Variants in TEC observed in about 807,000 individuals in gnomAD.
The protein encoded by TEC is tyrosine-protein kinase Tec.
TEC carries 72 observed loss-of-function variants against 93.0 expected under a neutral mutation model. That is an observed-to-expected ratio of 0.77 (90% CI 0.64 to 0.94). TEC has a LOEUF of 0.94. Among genes scored for constraint, TEC ranks in the 40% least tolerant of loss-of-function variants. The pLI, the probability that TEC is intolerant of heterozygous loss-of-function variation, is 0.00. For missense variants in TEC, 630 were observed against 757.9 expected, an observed-to-expected ratio of 0.83 and a Z score of 1.98; for synonymous variants, 249 against 247.7, an observed-to-expected ratio of 1.01 and a Z score of -0.05.
intron 2 of TEC, among the ~76,000 whole-genome samples, chr4:48,207,270 G>A (rs1722745988): frequency 6.6e-6 from 1 of 152,104 alleles, no homozygotes; most frequent in Non-Finnish European, 1.5e-5. Context: ...GGCCCCAGAA[G>A]ACAGCCTGAC....
At chr4:48,197,780 G>T (rs1722349356) in intron 2 of TEC, among the ~76,000 whole-genome samples, 1 of 152,040 alleles carries the variant, frequency 6.6e-6, no homozygotes, top group South Asian at 2.1e-4. Flanking sequence ...CCCAAAGCAG[G>T]GCTCAGTCAC....
At chr4:48,236,078 T>C (rs767684905) in intron 1 of TEC, among the ~76,000 whole-genome samples, 8 of 152,132 alleles carry the variant, frequency 5.3e-5, no homozygotes, top group Non-Finnish European at 1.2e-4. Flanking sequence ...GGATTCAATC[T>C]CCAGATTTCA....
In TEC at chr4:48,217,252, C is replaced by T. The variant is rs186631574; in HGVS notation, c.138+11225G>A. On this transcript the variant is annotated intron_variant, in intron 2 of 17. Coordinates refer to ENST00000381501, the MANE Select transcript of TEC (RefSeq NM_003215.3). ...CCGAGTAGTTGGGATTACAGGTGCCCGCCACCATGCCCAGCTAATTTTTGT... is the reference window on the plus strand; with the variant it reads ...CCGAGTAGTTGGGATTACAGGTGCCTGCCACCATGCCCAGCTAATTTTTGT... Among the ~76,000 whole-genome samples the T allele has an allele frequency of 5.3e-4, 81 of 152,168 alleles. 1 individual carries two copies. Among genetic ancestry groups the T allele is most frequent in the African/African-American group, 1.9e-3 (78 of 41,518 alleles).
chr4:48,160,326 G>A (rs1362147919), intron 8 of TEC, among the ~76,000 whole-genome samples: 4 of 152,074 alleles, frequency 2.6e-5, no homozygotes, highest in African/African-American at 9.7e-5. Flanking sequence ...GCTAATCAAT[G>A]GGGTCCTGAA....
intron 2 of TEC, among the ~76,000 whole-genome samples, chr4:48,183,045 G>C (rs753892736): frequency 2.0e-5 from 3 of 152,138 alleles, no homozygotes; most frequent in Admixed American, 6.5e-5. Context: ...GCTGTTCCCA[G>C]GGTCTTGTGG....
In TEC at chr4:48,156,716, C is replaced by A; in HGVS notation, c.756G>T (p.Met252Ile). 6.2e-7 allele frequency: 1 copy of A among 1,611,960 alleles called. No homozygotes were observed. Among genetic ancestry groups the A allele is most frequent in the Non-Finnish European group, 8.5e-7 (1 of 1,179,348 alleles). The stretch of plus-strand genomic sequence containing the variant: ...GGAGTTGCTCTGCCTTGCTTCTATT[C>A]ATATTTCTGCAATACCATCTGAACA... ...LDQYEWYCRN[M>I]NRSKAEQLLR... Residue 252 changes from methionine (M) to isoleucine (I), a missense_variant, in exon 9 of 18, where the codon ATG becomes ATT. Met to Ile is a conservative substitution (Grantham distance 10). Transcript: ENST00000381501.
chr4:48,250,954 G>A (rs115691402), intron 1 of TEC, among the ~76,000 whole-genome samples: 3 of 152,144 alleles, frequency 2.0e-5, no homozygotes, highest in Non-Finnish European at 4.4e-5. Context: ...ATAACTAATA[G>A]AGCCATCATT....
At chr4:48,248,542 G>A (rs911656660) in intron 1 of TEC, among the ~76,000 whole-genome samples, 1 of 152,212 alleles carries the variant, frequency 6.6e-6, no homozygotes, top group African/African-American at 2.4e-5. Flanking sequence ...AGCAGACACT[G>A]GGAGGGGAAT....
chr4:48,197,256 C>G (rs1465476213), intron 2 of TEC, among the ~76,000 whole-genome samples: 1 of 152,216 alleles, frequency 6.6e-6, no homozygotes, highest in African/African-American at 2.4e-5. Flanking sequence ...GCTGCATGGG[C>G]TGGGGTCCCA....
chr4:48,188,888 T>TGTGC (rs1560399754), intron 2 of TEC, among the ~76,000 whole-genome samples: 2 of 152,060 alleles, frequency 1.3e-5, no homozygotes, highest in South Asian at 2.1e-4. Flanking sequence ...TGTGTGTGTG[T>TGTGC]GCGCGCCCAT....
chr4:48,172,804 T>C (rs1448858580), intron 3 of TEC, among the ~76,000 whole-genome samples: 2 of 152,174 alleles, frequency 1.3e-5, no homozygotes, highest in East Asian at 1.9e-4. Context: ...TGTGAAGAGA[T>C]GTGTTTCCTC....
In TEC at chr4:48,146,212, A is replaced by G. The variant is rs1226760314; in HGVS notation, c.1081+113T>C. On this transcript the variant is annotated intron_variant, in intron 12 of 17. Coordinates refer to ENST00000381501, the MANE Select transcript of TEC (RefSeq NM_003215.3). ...ATAATTATCTAAAAACCTATACTATAAACTTATAAAAAACAGTTCCAGTAT... is the reference window on the plus strand; with the variant it reads ...ATAATTATCTAAAAACCTATACTATGAACTTATAAAAAACAGTTCCAGTAT... 3.2e-6 allele frequency: 3 copies of G among 940,318 alleles called. No individual in the cohort carries two copies. The Admixed American group carries it at 6.9e-5, about 22-fold the overall frequency. 58.2% of individuals were successfully genotyped at this position (940,318 alleles called of 1,614,324 possible).
At position 48,179,364 on chromosome 4, in the gene TEC, ATATATATATATATTT is replaced by A. The variant is rs1187063076; in HGVS notation, c.139-3193_139-3179del. ...TATATATATATATATATATATATAT[ATATATATATATATTT>A]TTTTTTTTTTTTTTTTTTTTTCAAG... On this transcript the variant is annotated intron_variant, in intron 2 of 17. Transcript: ENST00000381501. Among the ~76,000 whole-genome samples the A allele has an allele frequency of 2.4e-4, 9 of 36,852 alleles. No individual in the cohort carries two copies. In the South Asian group the frequency reaches 5.1e-3, roughly 21 times the overall value. The allele number at this position is 36,852 out of a possible 152,430, so 24.2% of individuals were successfully genotyped here.
intron 11 of TEC, 147 bp downstream of exon 11, chr4:48,149,410 T>A: frequency 1.3e-6 from 1 of 783,708 alleles, no homozygotes; most frequent in Non-Finnish European, 1.9e-6. Flanking sequence ...TTTGTATATA[T>A]CATTCCTTTA....
At chr4:48,193,297 G>A (rs1225864558) in intron 2 of TEC, among the ~76,000 whole-genome samples, 3 of 151,970 alleles carry the variant, frequency 2.0e-5, no homozygotes, top group South Asian at 2.1e-4. Context: ...CGCCGTTTTC[G>A]AGAAGAGTTT....
At chr4:48,221,711 T>G (rs1489942936) in intron 2 of TEC, among the ~76,000 whole-genome samples, 4 of 152,110 alleles carry the variant, frequency 2.6e-5, no homozygotes, top group African/African-American at 9.7e-5. Flanking sequence ...AAATGATTAT[T>G]AGCTCAACCT....
chr4:48,251,623 A>G (rs548767776), intron 1 of TEC, among the ~76,000 whole-genome samples: 1 of 152,306 alleles, frequency 6.6e-6, no homozygotes, highest in East Asian at 1.9e-4. Flanking sequence ...GTTCCTTCAC[A>G]TATTATTCAT....
intron 14 of TEC, chr4:48,141,675 T>TC: frequency 3.0e-6 from 1 of 330,612 alleles, no homozygotes; most frequent in Non-Finnish European, 5.4e-6. Context: ...CTTTTTTTTT[T>TC]CTTTTCTTTC....
At chr4:48,200,020 G>A (rs1722446493) in intron 2 of TEC, among the ~76,000 whole-genome samples, 1 of 152,136 alleles carries the variant, frequency 6.6e-6, no homozygotes, top group Admixed American at 6.5e-5. Flanking sequence ...TATTAATAAT[G>A]TATTAAAATA....
Sources: allele counts gnomAD v4.1 joint callset (sites outside exome capture counted in the v4.1 genomes callset), GRCh38; gene constraint gnomAD v4.1.1; transcripts MANE v1.5; gene names NCBI Gene and HGNC (gene_info 2026-07-23, HGNC 2026-07-21).